Variants in RBM19 observed in about 807,000 individuals in gnomAD.
RBM19 encodes the protein probable RNA-binding protein 19.
RBM19 carries 94 observed loss-of-function variants against 116.8 expected under a neutral mutation model. The observed-to-expected ratio is 0.80, with a 90% CI of 0.68 to 0.95. The LOEUF (loss-of-function observed/expected upper bound fraction) is 0.95, where lower values mean the gene tolerates loss of function less well. Ranked by LOEUF, RBM19 falls within the 40% of genes least tolerant of loss-of-function variation. The pLI is 0.00. For synonymous variants in RBM19, 475 were observed against 494.1 expected (o/e 0.96, Z 0.51); for missense variants, 1,161 against 1,220.7 (o/e 0.95, Z 0.73).
At chr12:113,908,822 C>CAGGATTGT (rs1882243972) in intron 21 of RBM19, among the ~76,000 whole-genome samples, 1 of 152,292 alleles carries the variant, frequency 6.6e-6, no homozygotes, top group East Asian at 1.9e-4. Flanking sequence ...GCGTTTCTAC[C>CAGGATTGT]AGGATTGTAT....
At chr12:113,865,838 AG>A (rs768421291) in intron 21 of RBM19, among the ~76,000 whole-genome samples, 119 of 143,988 alleles carry the variant, frequency 8.3e-4, no homozygotes, top group East Asian at 2.5e-3. Context: ...AAAAAAAAAA[AG>A]GGGGCAGGGG....
intron 13 of RBM19, among the ~76,000 whole-genome samples, chr12:113,944,117 T>G (rs4996069): frequency 0.048 from 4,865 of 102,274 alleles, 127 homozygotes; most frequent in Non-Finnish European, 0.064. Context: ...TTTTTTTTTT[T>G]GGGGCAGACT....
chr12:113,938,899 CTG>C (rs59333007), intron 15 of RBM19, among the ~76,000 whole-genome samples: 10,464 of 152,228 alleles, frequency 0.069, 780 homozygotes, highest in East Asian at 0.41. Context: ...TGATTTCAGA[CTG>C]TGGCCTTCGG....
At chr12:113,846,783 G>A (rs527465421) in intron 22 of RBM19, among the ~76,000 whole-genome samples, 117 of 152,316 alleles carry the variant, frequency 7.7e-4, no homozygotes, top group African/African-American at 2.3e-3. Context: ...TGTGATCATG[G>A]CTCACTGCAT....
chr12:113,831,867 C>T (rs1875447237), intron 23 of RBM19, among the ~76,000 whole-genome samples: 1 of 152,164 alleles, frequency 6.6e-6, no homozygotes, highest in Non-Finnish European at 1.5e-5. Flanking sequence ...CTGGGCGATA[C>T]CTGCTCCAGC....
intron 2 of RBM19, among the ~76,000 whole-genome samples, chr12:113,961,832 C>G (rs991179041): frequency 3.3e-5 from 5 of 152,246 alleles, no homozygotes; most frequent in African/African-American, 1.2e-4. Context: ...ACAGCAGGCT[C>G]CATGAGGACA....
intron 21 of RBM19, among the ~76,000 whole-genome samples, chr12:113,912,911 C>G (rs570265178): frequency 1.3e-5 from 2 of 152,318 alleles, no homozygotes; most frequent in East Asian, 3.9e-4. Flanking sequence ...CAACGAGGAA[C>G]TGCCTTACAT....
At chr12:113,957,125 A>G (rs909451045) in intron 6 of RBM19, among the ~76,000 whole-genome samples, 1 of 152,182 alleles carries the variant, frequency 6.6e-6, no homozygotes, top group Admixed American at 6.5e-5. Flanking sequence ...TGTTCACTCT[A>G]TCTGTAGTCA....
intron 21 of RBM19, among the ~76,000 whole-genome samples, chr12:113,883,469 A>G (rs2135792573): frequency 6.6e-6 from 1 of 152,392 alleles, no homozygotes; most frequent in East Asian, 1.9e-4. Flanking sequence ...CTTGTAGTCC[A>G]TCTTCTCTTT....
intron 21 of RBM19, among the ~76,000 whole-genome samples, chr12:113,881,165 C>T: frequency 6.6e-6 from 1 of 152,170 alleles, no homozygotes; most frequent in East Asian, 1.9e-4. Context: ...CCCACCCAGC[C>T]CCGATAATGG....
At chr12:113,951,905 A>G (rs1871500998) in intron 8 of RBM19, among the ~76,000 whole-genome samples, 1 of 152,228 alleles carries the variant, frequency 6.6e-6, no homozygotes, top group African/African-American at 2.4e-5. Context: ...CCCCGCAGCT[A>G]CAGGGCCTCA....
At chr12:113,861,474 CTGTGTG>C (rs57704604) in intron 21 of RBM19, among the ~76,000 whole-genome samples, 4,091 of 126,484 alleles carry the variant, frequency 0.032, 115 homozygotes, top group East Asian at 0.1. Context: ...AAGCCAGACT[CTGTGTG>C]TGTGTGTGTG....
chr12:113,831,744 C>CG (rs559121244), intron 23 of RBM19, among the ~76,000 whole-genome samples: 95 of 152,308 alleles, frequency 6.2e-4, no homozygotes, highest in Admixed American at 4.5e-3. Flanking sequence ...CAGCCGCTCC[C>CG]GGGGGAAGGG....
At chr12:113,911,046 G>C (rs2135845664) in intron 21 of RBM19, among the ~76,000 whole-genome samples, 1 of 90,162 alleles carries the variant, frequency 1.1e-5, no homozygotes, top group East Asian at 8.0e-4. Flanking sequence ...ACCCAGATGG[G>C]GTGGCGGTGG....
Position 113,920,596 on chromosome 12 carries a change from G to T in RBM19, c.2385+15C>A. The T allele has an allele frequency of 6.2e-7, 1 of 1,611,924 alleles. No homozygotes were observed. Among genetic ancestry groups the T allele is most frequent in the Non-Finnish European group, 8.5e-7 (1 of 1,178,090 alleles). On this transcript the variant is annotated intron_variant, in intron 19 of 23. Transcript: ENST00000261741. ...AAGTGCCTCCGTGGCCCTCAGCTGA[G>T]AATCTTCACTTTACCTGGAGCTGCT... is the stretch of plus-strand genomic sequence containing the variant.
In RBM19 at chr12:113,884,437, T is replaced by C. The variant is rs534227063; in HGVS notation, c.2559-25541A>G. The stretch of plus-strand genomic sequence containing the variant: ...TGGCAATGTCTGGAGGCATTTTTAG[T>C]TGTCATTTTTTGGGTGCTACTGGCC... On this transcript the variant is annotated intron_variant, in intron 21 of 23. Transcript: ENST00000261741. 5.4e-4 allele frequency among the ~76,000 whole-genome samples: 82 copies of C among 152,208 alleles called. 1 individual carries two copies. In the South Asian group the frequency reaches 0.016, roughly 30 times the overall value.
intron 21 of RBM19, among the ~76,000 whole-genome samples, chr12:113,900,924 T>C (rs917922915): frequency 1.3e-5 from 2 of 152,242 alleles, no homozygotes; most frequent in East Asian, 3.9e-4. Flanking sequence ...TTCCCAGAGA[T>C]CTTAAATAGG....
intron 19 of RBM19, 150 bp downstream of exon 19, chr12:113,920,461 G>T: frequency 1.4e-6 from 1 of 712,938 alleles, no homozygotes. Context: ...TTTTTTCTTG[G>T]GCCACAGTCC....
At chr12:113,924,084 T>A (rs546399901) in intron 18 of RBM19, among the ~76,000 whole-genome samples, 2 of 152,316 alleles carry the variant, frequency 1.3e-5, no homozygotes, top group Non-Finnish European at 2.9e-5. Context: ...ACGTATCCCC[T>A]GCAGGAAGCC....
Sources: gnomAD v4.1 joint callset for allele counts (sites outside exome capture counted in the v4.1 genomes callset) on GRCh38, gnomAD v4.1.1 for gene constraint, MANE v1.5 for transcripts, NCBI Gene and HGNC (gene_info 2026-07-23, HGNC 2026-07-21) for gene names.